SLIT3: variants seen among roughly 807,000 people sequenced by gnomAD.
SLIT3 encodes slit homolog 3 protein.
A neutral mutation model predicts 184.0 loss-of-function variants in SLIT3; 68 were observed. That is an observed-to-expected ratio of 0.37 (90% CI 0.30 to 0.45). The LOEUF (loss-of-function observed/expected upper bound fraction) is 0.45. Ranked by LOEUF, SLIT3 falls within the 20% of genes least tolerant of loss-of-function variation. SLIT3 has a pLI of 1.00. For missense variants in SLIT3, 1,707 were observed against 2,026.0 expected, an observed-to-expected ratio of 0.84 and a Z score of 3.02; for synonymous variants, 831 against 828.6, an observed-to-expected ratio of 1.00 and a Z score of -0.05.
Position 168,664,850 on chromosome 5 carries a change from G to T in SLIT3, c.*1604C>A, listed in dbSNP as rs1271703279. On this transcript the variant is annotated 3_prime_UTR_variant, in exon 36 of 36. Transcript: ENST00000519560. Reference sequence around the variant, plus strand: ...AGACATGGAAAGAAACAGGGGCAGGGAAGTCCCCTTCAGGAATGGAGGCAG... The same window carrying T: ...AGACATGGAAAGAAACAGGGGCAGGTAAGTCCCCTTCAGGAATGGAGGCAG... 6.6e-6 allele frequency: 1 copy of T among 152,288 alleles called. No individual in the cohort carries two copies. Among genetic ancestry groups the T allele is most frequent in the African/African-American group, 2.4e-5 (1 of 41,432 alleles). 9.4% of individuals were successfully genotyped at this position (152,288 alleles called of 1,614,324 possible). A position where few individuals can be genotyped will look rare whatever the true frequency, so the allele number is the denominator to read the frequency against.
intron 4 of SLIT3, among the ~76,000 whole-genome samples, chr5:169,159,898 T>C (rs1363777740): frequency 6.6e-6 from 1 of 152,226 alleles, no homozygotes; most frequent in Non-Finnish European, 1.5e-5. Flanking sequence ...TTTTTGTTTT[T>C]CCTTCATTCT....
intron 20 of SLIT3, among the ~76,000 whole-genome samples, chr5:168,729,927 G>T (rs2113394374): frequency 6.6e-6 from 1 of 152,148 alleles, no homozygotes; most frequent in South Asian, 2.1e-4. Context: ...GATACAGATT[G>T]TCAGAATGGA....
At chr5:168,856,306 G>A (rs1758862728) in intron 5 of SLIT3, among the ~76,000 whole-genome samples, 1 of 152,140 alleles carries the variant, frequency 6.6e-6, no homozygotes, top group African/African-American at 2.4e-5. Context: ...TTTTGAGGGT[G>A]GTTTCCCTCT....
At chr5:168,761,858 C>A (rs1029574847) in intron 15 of SLIT3, among the ~76,000 whole-genome samples, 2 of 151,698 alleles carry the variant, frequency 1.3e-5, no homozygotes, top group African/African-American at 4.8e-5. Context: ...CCTGCCTTAG[C>A]CTCTCCGGTA....
chr5:169,032,892 C>T (rs955884798), intron 4 of SLIT3, among the ~76,000 whole-genome samples: 12 of 148,926 alleles, frequency 8.1e-5, no homozygotes, highest in African/African-American at 3.0e-4. Flanking sequence ...TTAACATAGC[C>T]ATCATCTCAT....
chr5:168,711,349 A>G (rs561354690), intron 24 of SLIT3, among the ~76,000 whole-genome samples: 1 of 150,616 alleles, frequency 6.6e-6, no homozygotes, highest in Non-Finnish European at 1.5e-5. Context: ...TCCTTTAGGG[A>G]GCTTCCTGGA....
intron 4 of SLIT3, among the ~76,000 whole-genome samples, chr5:168,951,573 A>T (rs181042592): frequency 3.9e-5 from 6 of 152,358 alleles, no homozygotes; most frequent in Non-Finnish European, 7.3e-5. Context: ...ATAGTGACTT[A>T]ATGTCAACAC....
intron 4 of SLIT3, among the ~76,000 whole-genome samples, chr5:169,163,949 T>C (rs1466962412): frequency 1.3e-5 from 2 of 152,152 alleles, no homozygotes; most frequent in Non-Finnish European, 2.9e-5. Flanking sequence ...CCAGTGAGAA[T>C]GTCCATGGGG....
intron 12 of SLIT3, among the ~76,000 whole-genome samples, chr5:168,783,369 T>TCCCA (rs1756039151): frequency 6.8e-6 from 1 of 147,878 alleles, no homozygotes; most frequent in Non-Finnish European, 1.5e-5. Context: ...AGGCTGGCTG[T>TCCCA]GTACATACTG....
chr5:169,101,708 A>G (rs1760023991), intron 4 of SLIT3, among the ~76,000 whole-genome samples: 1 of 152,128 alleles, frequency 6.6e-6, no homozygotes, highest in African/African-American at 2.4e-5. Flanking sequence ...GCCACTCGCT[A>G]CCCCTCTCTG....
At chr5:168,865,273 G>C (rs1224306362) in intron 5 of SLIT3, among the ~76,000 whole-genome samples, 1 of 151,870 alleles carries the variant, frequency 6.6e-6, no homozygotes, top group East Asian at 1.9e-4. Flanking sequence ...TTCACACGAG[G>C]ACTCATATAA....
intron 4 of SLIT3, among the ~76,000 whole-genome samples, chr5:168,950,379 G>T (rs1762612494): frequency 6.6e-6 from 1 of 152,180 alleles, no homozygotes; most frequent in Non-Finnish European, 1.5e-5. Flanking sequence ...TATTATAAGA[G>T]CCCCAGTGGA....
intron 4 of SLIT3, among the ~76,000 whole-genome samples, chr5:169,083,859 G>A (rs1471044003): frequency 2.0e-5 from 3 of 152,124 alleles, no homozygotes; most frequent in Non-Finnish European, 4.4e-5. Flanking sequence ...GCTCACTAGG[G>A]CCTACTTAGA....
chr5:169,196,266 G>A (rs1398260580), intron 3 of SLIT3, among the ~76,000 whole-genome samples: 2 of 152,190 alleles, frequency 1.3e-5, no homozygotes, highest in Non-Finnish European at 2.9e-5. Flanking sequence ...GGAAGCCGTT[G>A]GAACTGGAGA....
intron 4 of SLIT3, among the ~76,000 whole-genome samples, chr5:169,052,926 C>T (rs560405035): frequency 1.8e-4 from 28 of 152,280 alleles, no homozygotes; most frequent in African/African-American, 6.5e-4. Context: ...AGAGAACCAC[C>T]GCCTCCAGGT....
chr5:169,096,143 C>T (rs1201435391), intron 4 of SLIT3, among the ~76,000 whole-genome samples: 1 of 152,224 alleles, frequency 6.6e-6, no homozygotes, highest in Non-Finnish European at 1.5e-5. Flanking sequence ...AACATCTTTG[C>T]CTTTTTCACT....
chr5:169,077,684 T>C (rs1033544350), intron 4 of SLIT3, among the ~76,000 whole-genome samples: 1 of 152,192 alleles, frequency 6.6e-6, no homozygotes, highest in Admixed American at 6.5e-5. Flanking sequence ...ACAGAGATTT[T>C]TGACTGTGTG....
intron 4 of SLIT3, among the ~76,000 whole-genome samples, chr5:169,142,105 A>G (rs4042728): frequency 0.013 from 1,972 of 150,550 alleles, 44 homozygotes; most frequent in African/African-American, 0.046. Context: ...ATAAATAAAT[A>G]AATAAATAAA....
intron 4 of SLIT3, among the ~76,000 whole-genome samples, chr5:168,998,762 A>C (rs1250660547): frequency 6.6e-6 from 1 of 152,078 alleles, no homozygotes; most frequent in Non-Finnish European, 1.5e-5. Context: ...ACAGGGTGAA[A>C]AGATGTGTCC....
Sources: allele counts gnomAD v4.1 joint callset (sites outside exome capture counted in the v4.1 genomes callset), GRCh38; gene constraint gnomAD v4.1.1; transcripts MANE v1.5; gene names NCBI Gene and HGNC (gene_info 2026-07-23, HGNC 2026-07-21).